Variants in ALDH2 observed in about 807,000 individuals in gnomAD.
The protein encoded by ALDH2 is aldehyde dehydrogenase, mitochondrial.
In ALDH2, 44 loss-of-function variants were observed where a neutral mutation model predicts 59.6. The ratio of observed to expected loss-of-function variants is 0.74; its 90% CI spans 0.58 to 0.95. The LOEUF (loss-of-function observed/expected upper bound fraction) is 0.95. Among genes scored for constraint, ALDH2 ranks in the 40% least tolerant of loss-of-function variants. The pLI, the probability that ALDH2 is intolerant of heterozygous loss-of-function variation, is 0.00. For missense variants in ALDH2, 570 were observed against 696.3 expected (o/e 0.82, Z 2.04); for synonymous variants, 291 against 284.0 (o/e 1.02, Z -0.25).
rs533001896 is a variant in ALDH2, at chr12:111,766,952, C to T, written c.-31C>T. On this transcript the variant is annotated 5_prime_UTR_variant, in exon 1 of 13. Transcript: ENST00000261733. ...GGCCCTGAGACCCTAGCTCTGCTCT[C>T]GGTCCGCTCGCTGTCCGCTAGCCCG... 3 of 1,508,852 alleles carry T rather than the reference C, an allele frequency of 2.0e-6. No individual in the cohort carries two copies. The allele number at this position is 1,508,852 out of a possible 1,614,324, so 93.5% of individuals were successfully genotyped here.
In ALDH2 at chr12:111,785,285, A is replaced by T; in HGVS notation, c.379A>T (p.Asn127Tyr). 1 of 1,614,084 alleles carries T rather than the reference A, an allele frequency of 6.2e-7. No homozygotes were observed. The highest frequency in any genetic ancestry group is 1.3e-5 in the African/African-American group (1 of 75,026). The change falls in exon 4 of 13, where the codon AAT becomes TAT. Residue 127 changes from asparagine (N) to tyrosine (Y), a missense_variant. Asn to Tyr is a moderately radical substitution (Grantham distance 143). Transcript: ENST00000261733. ...TTCTCAGGCCTTGGAGACCCTGGACAATGGCAAGCCCTATGTCATCTCCTA... is the reference window on the plus strand; with the variant it reads ...TTCTCAGGCCTTGGAGACCCTGGACTATGGCAAGCCCTATGTCATCTCCTA... ...TYLAALETLD[N>Y]GKPYVISYLV... is the part of the protein sequence containing the mutation.
intron 8 of ALDH2, 49 bp from the exon 9 acceptor site, chr12:111,792,549 G>C: frequency 6.3e-7 from 1 of 1,578,644 alleles, no homozygotes; most frequent in Non-Finnish European, 8.6e-7. Flanking sequence ...CCAGGGCCAG[G>C]GTCCTCCTCC....
In ALDH2 at chr12:111,783,184, C is replaced by A. The variant is rs574259526; in HGVS notation, c.246C>A (p.Ala82=). 1 of 1,612,746 alleles carries A rather than the reference C, an allele frequency of 6.2e-7. No individual in the cohort carries two copies. The highest frequency in any genetic ancestry group is 8.5e-7 in the Non-Finnish European group (1 of 1,179,230). The change falls in exon 3 of 13, where the codon GCC becomes GCA. Residue 82 remains alanine, a synonymous_variant. Coordinates refer to ENST00000261733, the MANE Select transcript of ALDH2 (RefSeq NM_000690.4). ...DKEDVDKAVK[A]ARAAFQLGSP... is the part of the protein sequence containing the mutation. The stretch of plus-strand genomic sequence containing the variant: ...AAGATGTGGACAAGGCAGTGAAGGC[C>A]GCCCGGGCCGCCTTCCAGCTGGGCT...
rs35650885 is a variant in ALDH2 at position 111,789,491 on chromosome 12, CA to C, written c.441-319del. ...TGGGAGACAGAGCGAGACGCTGTCT[CA>C]AAAAAAAAAAAAGAAAAGAAAAGAA... On this transcript the variant is annotated intron_variant, in intron 4 of 12. Transcript: ENST00000261733. Among the ~76,000 whole-genome samples, 198 of 74,288 alleles carry C rather than the reference CA, an allele frequency of 2.7e-3. 1 individual carries two copies. Among genetic ancestry groups the C allele is most frequent in the Admixed American group, 3.3e-3 (23 of 6,946 alleles). 48.7% of individuals were successfully genotyped at this position (74,288 alleles called of 152,430 possible).
At chr12:111,783,406 A>G in intron 3 of ALDH2, 108 bp downstream of exon 3, 1 of 1,377,454 alleles carries the variant, frequency 7.3e-7, no homozygotes, top group Non-Finnish European at 9.8e-7. Flanking sequence ...GGGAACACAC[A>G]TCTGACACGG....
intron 1 of ALDH2, among the ~76,000 whole-genome samples, chr12:111,772,087 A>G (rs1297135833): frequency 6.6e-6 from 1 of 152,042 alleles, no homozygotes; most frequent in Non-Finnish European, 1.5e-5. Flanking sequence ...TGACAGAGTG[A>G]CACTTCGTCT....
intron 12 of ALDH2, 121 bp from the exon 13 acceptor site, chr12:111,809,422 C>G (rs2068519780): frequency 1.9e-6 from 2 of 1,070,672 alleles, no homozygotes; most frequent in African/African-American, 1.6e-5. Flanking sequence ...CCCCTGTACT[C>G]CAGTCTGGGG....
At chr12:111,786,537 T>C (rs1023685880) in intron 4 of ALDH2, among the ~76,000 whole-genome samples, 1 of 150,184 alleles carries the variant, frequency 6.7e-6, no homozygotes, top group African/African-American at 2.5e-5. Context: ...CGCCTGGCGA[T>C]TGATTGATAA....
intron 1 of ALDH2, among the ~76,000 whole-genome samples, chr12:111,775,035 C>T (rs1320261743): frequency 1.3e-5 from 2 of 152,170 alleles, no homozygotes; most frequent in Non-Finnish European, 1.5e-5. Context: ...TGTAGGAAAT[C>T]GTTAAATAAA....
At chr12:111,799,841 T>C in intron 10 of ALDH2, 65 bp from the exon 11 acceptor site, 1 of 1,556,652 alleles carries the variant, frequency 6.4e-7, no homozygotes, top group Non-Finnish European at 8.7e-7. Context: ...TGTTCTGCTC[T>C]GAGAGAGCTC....
At chr12:111,806,735 G>A (rs1196492228) in intron 12 of ALDH2, among the ~76,000 whole-genome samples, 5 of 152,214 alleles carry the variant, frequency 3.3e-5, no homozygotes, top group Admixed American at 2.0e-4. Context: ...ATTTTGGGAG[G>A]CCGAGATGGG....
chr12:111,801,255 C>T (rs1419437629), intron 11 of ALDH2, among the ~76,000 whole-genome samples: 2 of 152,172 alleles, frequency 1.3e-5, no homozygotes, highest in African/African-American at 4.8e-5. Context: ...ATGGGAAAGA[C>T]CTGGCCCCAT....
chr12:111,809,647 T>A lies in ALDH2; in HGVS notation c.*72T>A. 6.5e-7 allele frequency: 1 copy of A among 1,546,898 alleles called. No individual in the cohort carries two copies. The highest frequency in any genetic ancestry group is 8.9e-7 in the Non-Finnish European group (1 of 1,121,148). On this transcript the variant is annotated 3_prime_UTR_variant, in exon 13 of 13. Transcript: ENST00000261733. ...AGATCAGCAACAAAACCAAGAAAAATGATCCTTGCGTGCTGAATATCTGAA... is the reference window on the plus strand; with the variant it reads ...AGATCAGCAACAAAACCAAGAAAAAAGATCCTTGCGTGCTGAATATCTGAA...
intron 3 of ALDH2, 64 bp from the exon 4 acceptor site, chr12:111,785,203 G>C (rs2068300934): frequency 1.4e-6 from 2 of 1,381,372 alleles, no homozygotes; most frequent in African/African-American, 1.4e-5. Flanking sequence ...GGCGCCCTCT[G>C]TCAGCCCTTT....
intron 1 of ALDH2, among the ~76,000 whole-genome samples, chr12:111,769,920 C>T (rs1415442409): frequency 2.6e-5 from 4 of 151,878 alleles, no homozygotes; most frequent in Admixed American, 6.6e-5. Flanking sequence ...CTGAAGCAGG[C>T]GGATCACGAG....
chr12:111,772,119 C>CA (rs909724358), intron 1 of ALDH2, among the ~76,000 whole-genome samples: 10 of 151,266 alleles, frequency 6.6e-5, no homozygotes, highest in South Asian at 2.1e-4. Context: ...CCCCAAAAAA[C>CA]AAAAAAAACT....
chr12:111,803,884 G>T lies in ALDH2; in HGVS notation c.1432G>T (p.Ala478Ser). The change falls in exon 12 of 13, where the codon GCC becomes TCC. Residue 478 changes from alanine to serine, a missense_variant. Ala to Ser is a moderately conservative substitution (Grantham distance 99). Transcript: ENST00000261733. Reference sequence around the variant, plus strand: ...GGTCAACTGCTATGATGTGTTTGGAGCCCAGTCACCCTTTGGTGGCTACAA... The same window carrying T: ...GGTCAACTGCTATGATGTGTTTGGATCCCAGTCACCCTTTGGTGGCTACAA... ...VWVNCYDVFG[A>S]QSPFGGYKMS... The T allele has an allele frequency of 6.2e-7, 1 of 1,613,118 alleles. No individual in the cohort carries two copies. The highest frequency in any genetic ancestry group is 1.3e-5 in the African/African-American group (1 of 75,008).
intron 9 of ALDH2, among the ~76,000 whole-genome samples, chr12:111,796,338 T>TG (rs2068403767): frequency 1.3e-5 from 2 of 151,522 alleles, no homozygotes; most frequent in Non-Finnish European, 2.9e-5. Context: ...TAAATAATTT[T>TG]TTTTTTAAAA....
intron 1 of ALDH2, among the ~76,000 whole-genome samples, chr12:111,770,733 C>T (rs2068192874): frequency 6.6e-6 from 1 of 152,108 alleles, no homozygotes; most frequent in Non-Finnish European, 1.5e-5. Context: ...TAACCTCCAC[C>T]TCCTGGGTTC....
Sources: allele counts gnomAD v4.1 joint callset (sites outside exome capture counted in the v4.1 genomes callset), GRCh38; gene constraint gnomAD v4.1.1; transcripts MANE v1.5; gene names NCBI Gene and HGNC (gene_info 2026-07-23, HGNC 2026-07-21).